FGF14: variants seen among roughly 807,000 people sequenced by gnomAD.
FGF14 encodes fibroblast growth factor 14.
In FGF14, 5 loss-of-function variants were observed where a neutral mutation model predicts 25.5. That is an observed-to-expected ratio of 0.20 (90% CI 0.10 to 0.41). The LOEUF (loss-of-function observed/expected upper bound fraction) is 0.41. Among genes scored for constraint, FGF14 ranks in the 10% least tolerant of loss-of-function variants. The pLI, the probability that FGF14 is intolerant of heterozygous loss-of-function variation, is 1.00. For synonymous variants in FGF14, 138 were observed against 118.3 expected, an observed-to-expected ratio of 1.17 and a Z score of -1.08; for missense variants, 222 against 320.1, an observed-to-expected ratio of 0.69 and a Z score of 2.34.
chr13:102,263,244 G>A (rs192568682), intron 1 of FGF14: 123 of 398,534 alleles, frequency 3.1e-4, no homozygotes, highest in Admixed American at 9.5e-4. Flanking sequence ...CGATGGCAGA[G>A]AAAGGACGAT....
At chr13:102,401,745 A>G (rs930260244) in exon 1 of FGF14, 1 of 1,306,646 alleles carries the variant, frequency 7.7e-7, no homozygotes, top group Middle Eastern at 2.0e-4. Context: ...TTTCTTTGAG[A>G]CTTCTCAGTG....
chr13:102,113,181 T>C (rs1183036543), intron 1 of FGF14, among the ~76,000 whole-genome samples: 1 of 152,254 alleles, frequency 6.6e-6, no homozygotes, highest in Non-Finnish European at 1.5e-5. Context: ...TTGAAAGCTG[T>C]ACTACAGATA....
At chr13:101,980,083 T>C (rs1384881322) in intron 1 of FGF14, among the ~76,000 whole-genome samples, 1 of 152,192 alleles carries the variant, frequency 6.6e-6, no homozygotes, top group Non-Finnish European at 1.5e-5. Flanking sequence ...TTATAAAGAA[T>C]GAAAGGATTA....
chr13:102,401,017 C>T, intron 1 of FGF14, among the ~76,000 whole-genome samples: 1 of 151,946 alleles, frequency 6.6e-6, no homozygotes, highest in African/African-American at 2.4e-5. Flanking sequence ...ATCGTGGTGG[C>T]GAATATTGTG....
chr13:101,981,997 A>G (rs139093590), intron 1 of FGF14, among the ~76,000 whole-genome samples: 1 of 152,186 alleles, frequency 6.6e-6, no homozygotes, highest in African/African-American at 2.4e-5. Context: ...TAAATGATGT[A>G]GCCTAGTTAA....
At chr13:102,295,779 G>A (rs1317794000) in intron 1 of FGF14, among the ~76,000 whole-genome samples, 2 of 152,058 alleles carry the variant, frequency 1.3e-5, no homozygotes, top group Non-Finnish European at 1.5e-5. Flanking sequence ...AATGGGCAGC[G>A]ACCAAGAAAA....
At chr13:102,331,209 T>C (rs560266746) in intron 1 of FGF14, among the ~76,000 whole-genome samples, 1 of 152,310 alleles carries the variant, frequency 6.6e-6, no homozygotes, top group South Asian at 2.1e-4. Flanking sequence ...CACTTTTACA[T>C]TGTCCCAGAT....
chr13:102,214,014 A>G (rs1291335304), intron 1 of FGF14, among the ~76,000 whole-genome samples: 1 of 152,232 alleles, frequency 6.6e-6, no homozygotes, highest in Non-Finnish European at 1.5e-5. Context: ...CAGGTCTTAC[A>G]GACAAGGTGG....
At chr13:102,180,200 A>T (rs7317719) in intron 1 of FGF14, among the ~76,000 whole-genome samples, 106,664 of 152,124 alleles carry the variant, frequency 0.7, 37,740 homozygotes, top group Middle Eastern at 0.79. Flanking sequence ...TGCTGATGCT[A>T]TTCTGTTGAC....
intron 1 of FGF14, among the ~76,000 whole-genome samples, chr13:102,264,531 G>C (rs2141131612): frequency 7.3e-6 from 1 of 136,858 alleles, no homozygotes; most frequent in African/African-American, 2.9e-5. Context: ...GCCTCATTTG[G>C]TCCTATACGA....
chr13:102,254,051 C>G (rs2052326476), intron 1 of FGF14, among the ~76,000 whole-genome samples: 1 of 152,110 alleles, frequency 6.6e-6, no homozygotes, highest in South Asian at 2.1e-4. Context: ...GGTAACACCA[C>G]CCAAGGGTAG....
intron 1 of FGF14, among the ~76,000 whole-genome samples, chr13:102,076,356 T>C (rs1334517923): frequency 6.6e-6 from 1 of 152,220 alleles, no homozygotes; most frequent in Non-Finnish European, 1.5e-5. Context: ...CCCACAGTAT[T>C]CAGTACAGGC....
intron 1 of FGF14, among the ~76,000 whole-genome samples, chr13:102,161,050 G>T (rs2047599171): frequency 6.6e-6 from 1 of 152,002 alleles, no homozygotes; most frequent in Non-Finnish European, 1.5e-5. Context: ...AAATAGAGAG[G>T]AAAATAAACA....
Position 102,386,500 on chromosome 13 carries a change from G to T in FGF14, c.208+14971C>A, listed in dbSNP as rs937917848. On this transcript the variant is annotated intron_variant, in intron 1 of 4. Coordinates refer to the FGF14 transcript ENST00000376131. ...AAAGGATACATAAAAAATGGTCAAAGATTTGTCTTACATTAAAACTGTAAC... is the reference window on the plus strand; with the variant it reads ...AAAGGATACATAAAAAATGGTCAAATATTTGTCTTACATTAAAACTGTAAC... Among the ~76,000 whole-genome samples the T allele has an allele frequency of 4.6e-5, 7 of 152,174 alleles. No homozygotes were observed. The East Asian group carries it at 1.2e-3, about 25-fold the overall frequency.
chr13:102,377,547 G>A (rs750616861), intron 1 of FGF14, among the ~76,000 whole-genome samples: 7 of 152,088 alleles, frequency 4.6e-5, no homozygotes, highest in Admixed American at 2.0e-4. Flanking sequence ...AGTGGCTCAC[G>A]CCTGTAATCC....
At chr13:102,193,759 T>C (rs1030286903) in intron 1 of FGF14, among the ~76,000 whole-genome samples, 17 of 152,232 alleles carry the variant, frequency 1.1e-4, no homozygotes, top group African/African-American at 3.1e-4. Context: ...ACAGGAACAA[T>C]AGCAAACTGT....
intron 3 of FGF14, chr13:101,802,510 C>CA (rs1352375337): frequency 1.2e-5 from 2 of 161,434 alleles, no homozygotes; most frequent in Non-Finnish European, 2.7e-5. Flanking sequence ...CTGTAACTGA[C>CA]ACATCTATTT....
chr13:102,131,301 CAA>C (rs1214010925), intron 1 of FGF14, among the ~76,000 whole-genome samples: 1 of 152,186 alleles, frequency 6.6e-6, no homozygotes, highest in Non-Finnish European at 1.5e-5. Flanking sequence ...CTTTGCAAAC[CAA>C]AGAGGTAGAG....
At chr13:101,950,604 A>T (rs1386768112) in intron 1 of FGF14, among the ~76,000 whole-genome samples, 2 of 152,214 alleles carry the variant, frequency 1.3e-5, no homozygotes, top group Admixed American at 1.3e-4. Flanking sequence ...CCTCTCAAAG[A>T]TATCTGTTTG....
Sources: allele counts gnomAD v4.1 joint callset (sites outside exome capture counted in the v4.1 genomes callset), GRCh38; gene constraint gnomAD v4.1.1; transcripts MANE v1.5; gene names NCBI Gene and HGNC (gene_info 2026-07-23, HGNC 2026-07-21).